CD99: variants seen among roughly 807,000 people sequenced by gnomAD.
The protein encoded by CD99 is CD99 molecule (Xg blood group).
CD99 carries 19 observed loss-of-function variants against 28.4 expected under a neutral mutation model. The ratio of observed to expected loss-of-function variants is 0.67; its 90% confidence interval spans 0.47 to 0.98. The LOEUF (loss-of-function observed/expected upper bound fraction) is 0.98. Among genes scored for constraint, CD99 ranks in the 50% least tolerant of loss-of-function variants. The probability of loss-of-function intolerance (pLI) is 0.00; values close to 1 mark genes in which losing one functional copy is unlikely to be tolerated. For missense variants in CD99, 283 were observed against 248.8 expected (o/e 1.14, Z -0.92); for synonymous variants, 103 against 92.1 (o/e 1.12, Z -0.67).
intron 8 of CD99, among the ~76,000 whole-genome samples, chrX:2,727,085 T>C (rs1358350202): frequency 3.9e-5 from 6 of 152,090 alleles, no homozygotes; most frequent in South Asian, 4.1e-4. Context: ...TGCAGTGAGC[T>C]GAGATCATGT....
chrX:2,695,296 C>G (rs2047521060), intron 1 of CD99, among the ~76,000 whole-genome samples: 1 of 152,084 alleles, frequency 6.6e-6, no homozygotes, highest in African/African-American at 2.4e-5. Context: ...ATCTCTCCAT[C>G]TCAGGTTCAA....
At chrX:2,691,517 C>T (rs1430557896) in intron 1 of CD99, 90 bp downstream of exon 1, 7 of 1,392,618 alleles carry the variant, frequency 5.0e-6, no homozygotes, top group Non-Finnish European at 6.9e-6. Context: ...GGGGGCGCCC[C>T]GCGGGGACAC....
intron 9 of CD99, among the ~76,000 whole-genome samples, chrX:2,738,993 G>A (rs1177271136): frequency 6.6e-6 from 1 of 151,776 alleles, no homozygotes; most frequent in Non-Finnish European, 1.5e-5. Flanking sequence ...AACCACAGGC[G>A]TGCACCACCG....
chrX:2,710,867 CTTTTTT>C (rs541519754), intron 1 of CD99, among the ~76,000 whole-genome samples: 3 of 99,614 alleles, frequency 3.0e-5, no homozygotes, highest in East Asian at 3.1e-4. Flanking sequence ...GTAGAGATGA[CTTTTTT>C]TTTTTTTTTT....
chrX:2,717,154 C>T (rs764921591), intron 2 of CD99, among the ~76,000 whole-genome samples: 39 of 152,202 alleles, frequency 2.6e-4, no homozygotes, highest in Non-Finnish European at 5.1e-4. Context: ...CGAGACCAAC[C>T]TGGCCAACGT....
chrX:2,733,243 G>C (rs2049764010), intron 8 of CD99: 10 of 1,131,012 alleles, frequency 8.8e-6, no homozygotes, highest in Non-Finnish European at 1.3e-5. Flanking sequence ...GCTCAGAGCA[G>C]CTCTTTCTAA....
At chrX:2,731,909 CT>C (rs1412108059) in intron 8 of CD99, among the ~76,000 whole-genome samples, 2 of 151,752 alleles carry the variant, frequency 1.3e-5, no homozygotes, top group Non-Finnish European at 2.9e-5. Context: ...GCAAAAATAA[CT>C]GCGGTTTATG....
chrX:2,719,995 C>T (rs370757193), intron 4 of CD99, among the ~76,000 whole-genome samples: 92 of 152,262 alleles, frequency 6.0e-4, no homozygotes, highest in African/African-American at 2.1e-3. Context: ...TGCAGTGGCA[C>T]AGGACCCCAT....
At chrX:2,739,024 G>T (rs780674473) in intron 9 of CD99, among the ~76,000 whole-genome samples, 15 of 148,288 alleles carry the variant, frequency 1.0e-4, no homozygotes, top group Non-Finnish European at 2.1e-4. Flanking sequence ...ATTTGTTGTT[G>T]TTTTTTTTTT....
chrX:2,738,579 G>C (rs897583421), intron 9 of CD99, among the ~76,000 whole-genome samples: 1 of 151,976 alleles, frequency 6.6e-6, no homozygotes, highest in Non-Finnish European at 1.5e-5. Context: ...TACAAAATTA[G>C]CTGAGTGTGG....
At chrX:2,713,127 CACAT>C (rs1408934128) in intron 1 of CD99, among the ~76,000 whole-genome samples, 1 of 125,880 alleles carries the variant, frequency 7.9e-6, no homozygotes, top group African/African-American at 3.8e-5. Flanking sequence ...CATCCGCCTA[CACAT>C]ACACACACAA....
chrX:2,692,144 C>T lies in CD99; in HGVS notation c.67+717C>T, dbSNP rs887412060. The T allele has an allele frequency of 8.9e-6, 5 of 561,412 alleles. No homozygotes were observed. The African/African-American group carries it at 9.5e-5, about 11-fold the overall frequency. 34.8% of individuals were successfully genotyped at this position (561,412 alleles called of 1,614,324 possible). A position where few individuals can be genotyped will look rare whatever the true frequency, so the allele number is the denominator to read the frequency against. ...CACCCTCCCACGCCCTAAACCGGGC[C>T]TATTTCTAATTATTACTTTAATCAT... On this transcript the variant is annotated intron_variant, in intron 1 of 9. Coordinates refer to ENST00000381192, the MANE Select transcript of CD99 (RefSeq NM_002414.5).
At chrX:2,701,170 A>G (rs1035841441) in intron 1 of CD99, among the ~76,000 whole-genome samples, 9 of 140,920 alleles carry the variant, frequency 6.4e-5, no homozygotes, top group African/African-American at 2.4e-4. Context: ...TGTCCACCCA[A>G]CCATCCACCC....
At chrX:2,723,121 G>C (rs1436641848) in intron 6 of CD99, among the ~76,000 whole-genome samples, 193 bp from the exon 7 acceptor site, 1 of 152,206 alleles carries the variant, frequency 6.6e-6, no homozygotes, top group African/African-American at 2.4e-5. Flanking sequence ...GAGTGTAACA[G>C]GCAGCACCTC....
chrX:2,722,688 G>C lies in CD99; in HGVS notation c.310+14G>C, dbSNP rs2049052838. On this transcript the variant is annotated intron_variant, in intron 6 of 9. Transcript: ENST00000381192. ...CAGGTGGAGAAGGTACAGTTATCTTGTTTTCTGTCTCTTTTCTCTCTCCAT... is the reference window on the plus strand; with the variant it reads ...CAGGTGGAGAAGGTACAGTTATCTTCTTTTCTGTCTCTTTTCTCTCTCCAT... 1 of 1,613,634 alleles carries C rather than the reference G, an allele frequency of 6.2e-7. No homozygotes were observed. Among genetic ancestry groups the C allele is most frequent in the African/African-American group, 1.3e-5 (1 of 74,920 alleles).
intron 8 of CD99, chrX:2,727,275 C>T: frequency 1.3e-6 from 1 of 778,490 alleles, no homozygotes; most frequent in Non-Finnish European, 2.4e-6. Context: ...GACGTACTCA[C>T]CATTGCAATC....
At position 2,726,306 on chromosome X, in the gene CD99, C is replaced by A; in HGVS notation, c.408C>A (p.Val136=). ...CCGGGATTGTGGGGGCTGTCGTGGT[C>A]GCCGTGGCTGGAGCCATCTCTAGCT... is the stretch of plus-strand genomic sequence containing the variant. ...VIPGIVGAVV[V]AVAGAISSFI... Residue 136 remains valine, a synonymous_variant, in exon 8 of 10, where the codon GTC becomes GTA. Coordinates refer to ENST00000381192, the MANE Select transcript of CD99 (RefSeq NM_002414.5). 2 of 1,612,054 alleles carry A rather than the reference C, an allele frequency of 1.2e-6. No individual in the cohort carries two copies. The highest frequency in any genetic ancestry group is 1.7e-6 in the Non-Finnish European group (2 of 1,179,686).
chrX:2,703,604 A>AAG (rs1491193233), intron 1 of CD99, among the ~76,000 whole-genome samples: 13 of 111,342 alleles, frequency 1.2e-4, no homozygotes, highest in African/African-American at 4.6e-4. Flanking sequence ...CCGAGCTGTT[A>AAG]AGTGTGTGTG....
At chrX:2,709,610 G>T (rs967283390) in intron 1 of CD99, among the ~76,000 whole-genome samples, 2 of 152,228 alleles carry the variant, frequency 1.3e-5, no homozygotes, top group Admixed American at 1.3e-4. Flanking sequence ...GCACACACGT[G>T]CACACACAGA....
Sources: gnomAD v4.1 joint callset for allele counts (sites outside exome capture counted in the v4.1 genomes callset) on GRCh38, gnomAD v4.1.1 for gene constraint, MANE v1.5 for transcripts, NCBI Gene and HGNC (gene_info 2026-07-23, HGNC 2026-07-21) for gene names.